TBL1XR1: variants seen among roughly 807,000 people sequenced by gnomAD.
TBL1XR1 encodes F-box-like/WD repeat-containing protein TBL1XR1.
TBL1XR1 carries 5 observed loss-of-function variants against 66.9 expected under a neutral mutation model. That is an observed-to-expected ratio of 0.07 (90% CI 0.04 to 0.16). The LOEUF is 0.16. Ranked by LOEUF, TBL1XR1 falls within the 10% of genes least tolerant of loss-of-function variation. The probability of loss-of-function intolerance (pLI) is 1.00; values close to 1 mark genes in which losing one functional copy is unlikely to be tolerated. For missense variants in TBL1XR1, 238 were observed against 623.2 expected (o/e 0.38, Z 6.58); for synonymous variants, 210 against 206.0 (o/e 1.02, Z -0.17).
At position 177,192,265 on chromosome 3, in the gene TBL1XR1, A is replaced by G. The variant is rs1427056750; in HGVS notation, c.-122+4856T>C. On this transcript the variant is annotated intron_variant, in intron 1 of 15. Transcript: ENST00000457928. ...GCTGGGCGTGGTGGCGCATGCCTAT[A>G]ATCCCAGCTAGGAGGCTGAGGCAGG... Among the ~76,000 whole-genome samples, 3 of 151,790 alleles carry G rather than the reference A, an allele frequency of 2.0e-5. No individual in the cohort carries two copies. The South Asian group carries it at 6.3e-4, about 32-fold the overall frequency.
intron 2 of TBL1XR1, among the ~76,000 whole-genome samples, chr3:177,092,492 A>G (rs190836508): frequency 1.2e-4 from 19 of 152,336 alleles, no homozygotes; most frequent in Non-Finnish European, 1.5e-4. Flanking sequence ...AACATAATGT[A>G]TAAGTTTTGT....
At chr3:177,093,773 T>C (rs1723120365) in intron 2 of TBL1XR1, among the ~76,000 whole-genome samples, 1 of 152,178 alleles carries the variant, frequency 6.6e-6, no homozygotes, top group Non-Finnish European at 1.5e-5. Flanking sequence ...AAGCCATATG[T>C]AGAAGAAGGA....
chr3:177,019,997 A>G lies in TBL1XR1; in HGVS notation c.*5501T>C, dbSNP rs566633487. ...GAGTGTAAATTCTTAAAAAAAAAAA[A>G]AAGAAAATATGCTCAATGATTCTTT... On this transcript the variant is annotated 3_prime_UTR_variant, in exon 16 of 16. Transcript: ENST00000457928. 4.6e-5 allele frequency: 7 copies of G among 151,872 alleles called. No individual in the cohort carries two copies. The East Asian group carries it at 9.7e-4, about 21-fold the overall frequency. The allele number at this position is 151,872 out of a possible 1,614,324, so 9.4% of individuals were successfully genotyped here. A position where few individuals can be genotyped will look rare whatever the true frequency, so the allele number is the denominator to read the frequency against.
intron 14 of TBL1XR1, among the ~76,000 whole-genome samples, chr3:177,029,343 G>A (rs1482788297): frequency 1.3e-5 from 2 of 152,134 alleles, no homozygotes; most frequent in African/African-American, 4.8e-5. Context: ...TGATCTGGGC[G>A]TGATGCCTCA....
chr3:177,092,220 C>CA (rs1300216680), intron 2 of TBL1XR1, among the ~76,000 whole-genome samples: 1 of 151,998 alleles, frequency 6.6e-6, no homozygotes, highest in African/African-American at 2.4e-5. Flanking sequence ...AGAGGTATTC[C>CA]ATCTATACTT....
In TBL1XR1 at chr3:177,030,670, ATGAG is replaced by A. The variant is rs1359878092; in HGVS notation, c.1416+2297_1416+2300del. On this transcript the variant is annotated intron_variant, in intron 14 of 15. Transcript: ENST00000457928. ...TCAATTAAATCTGAGCAGTAGATAT[ATGAG>A]TGTTATATTATTTTCTGTTTGAAAT... 9.2e-5 allele frequency among the ~76,000 whole-genome samples: 14 copies of A among 152,368 alleles called. No homozygotes were observed. In the East Asian group the frequency reaches 2.7e-3, roughly 29 times the overall value.
chr3:177,112,288 A>G (rs1302979342), intron 1 of TBL1XR1, among the ~76,000 whole-genome samples: 1 of 150,544 alleles, frequency 6.6e-6, no homozygotes, highest in Non-Finnish European at 1.5e-5. Flanking sequence ...TTGTATTTTT[A>G]GTAGAGGTGG....
intron 15 of TBL1XR1, among the ~76,000 whole-genome samples, 155 bp downstream of exon 15, chr3:177,026,218 G>A (rs758774711): frequency 2.7e-5 from 4 of 150,690 alleles, no homozygotes; most frequent in Non-Finnish European, 5.9e-5. Context: ...TGAATCCAAC[G>A]CACATGAAAA....
intron 1 of TBL1XR1, chr3:177,195,760 C>A (rs34302523): frequency 0.45 from 68,133 of 151,786 alleles, 17,224 homozygotes; most frequent in Non-Finnish European, 0.56. Context: ...AATAACCTGG[C>A]ATTTTCACCC....
chr3:177,124,250 A>C (rs73187550), intron 1 of TBL1XR1, among the ~76,000 whole-genome samples: 76 of 152,150 alleles, frequency 5.0e-4, no homozygotes, highest in African/African-American at 1.8e-3. Context: ...GGAAGGATGG[A>C]TCCCAAGCAG....
intron 2 of TBL1XR1, among the ~76,000 whole-genome samples, chr3:177,098,181 C>T (rs1353012151): frequency 1.3e-5 from 2 of 151,836 alleles, no homozygotes; most frequent in African/African-American, 2.4e-5. Flanking sequence ...CATTGCACTC[C>T]AGCCTGGCCA....
intron 4 of TBL1XR1, among the ~76,000 whole-genome samples, chr3:177,051,953 T>A (rs572620442): frequency 6.6e-6 from 1 of 152,078 alleles, no homozygotes; most frequent in African/African-American, 2.4e-5. Context: ...ATTATTACAG[T>A]ATAGAGCTGT....
intron 2 of TBL1XR1, among the ~76,000 whole-genome samples, chr3:177,077,558 G>A (rs1720844635): frequency 6.6e-6 from 1 of 152,062 alleles, no homozygotes; most frequent in Admixed American, 6.6e-5. Context: ...GTATTATTAC[G>A]ACAGCCTAAG....
chr3:177,105,824 G>T (rs1473246578), intron 1 of TBL1XR1, among the ~76,000 whole-genome samples: 1 of 152,026 alleles, frequency 6.6e-6, no homozygotes, highest in African/African-American at 2.4e-5. Context: ...TTCCAATGGG[G>T]ACTGAGAACC....
chr3:177,127,927 T>C (rs574574790), intron 1 of TBL1XR1, among the ~76,000 whole-genome samples: 10 of 152,256 alleles, frequency 6.6e-5, no homozygotes, highest in African/African-American at 2.2e-4. Context: ...AATCAAAACA[T>C]TGTAAAACGG....
chr3:177,059,603 GA>G (rs971683925), intron 3 of TBL1XR1, among the ~76,000 whole-genome samples: 8 of 152,042 alleles, frequency 5.3e-5, no homozygotes, highest in South Asian at 2.1e-4. Flanking sequence ...AAGTTAGGGG[GA>G]AAAAATGGAG....
At chr3:177,072,439 T>C (rs903591209) in intron 2 of TBL1XR1, among the ~76,000 whole-genome samples, 3 of 150,484 alleles carry the variant, frequency 2.0e-5, no homozygotes, top group African/African-American at 7.4e-5. Flanking sequence ...GTATTACTAG[T>C]AGTCATTGTA....
At chr3:177,066,478 G>A (rs1719180407) in intron 2 of TBL1XR1, among the ~76,000 whole-genome samples, 1 of 152,176 alleles carries the variant, frequency 6.6e-6, no homozygotes, top group Non-Finnish European at 1.5e-5. Context: ...TGGAAGGAAT[G>A]AGTGAGGACA....
At chr3:177,099,192 C>A (rs958574107) in intron 1 of TBL1XR1, among the ~76,000 whole-genome samples, 2 of 152,054 alleles carry the variant, frequency 1.3e-5, no homozygotes, top group Non-Finnish European at 2.9e-5. Context: ...CATGGAGACA[C>A]CCTGTCTCTA....
Sources: gnomAD v4.1 joint callset for allele counts (sites outside exome capture counted in the v4.1 genomes callset) on GRCh38, gnomAD v4.1.1 for gene constraint, MANE v1.5 for transcripts, NCBI Gene and HGNC (gene_info 2026-07-23, HGNC 2026-07-21) for gene names.